PKIA: variants seen among roughly 807,000 people sequenced by gnomAD.
PKIA encodes the protein cAMP-dependent protein kinase inhibitor alpha.
A neutral mutation model predicts 7.6 loss-of-function variants in PKIA; 4 were observed. That is an observed-to-expected ratio of 0.52 (90% confidence interval 0.26 to 1.20). The LOEUF is 1.20. PKIA is among the 50% of genes most tolerant of loss of function. PKIA has a pLI of 0.13. For missense variants in PKIA, 73 were observed against 86.2 expected, an observed-to-expected ratio of 0.85 and a Z score of 0.61; for synonymous variants, 21 against 30.7, an observed-to-expected ratio of 0.68 and a Z score of 1.04.
intron 1 of PKIA, among the ~76,000 whole-genome samples, chr8:78,563,946 G>A (rs1432504708): frequency 6.6e-6 from 1 of 152,086 alleles, no homozygotes; most frequent in East Asian, 1.9e-4. Context: ...TTGATCAGAT[G>A]AGAGAAAATG....
intron 2 of PKIA, among the ~76,000 whole-genome samples, chr8:78,588,983 G>C (rs989357266): frequency 2.0e-5 from 3 of 152,084 alleles, no homozygotes; most frequent in Non-Finnish European, 4.4e-5. Flanking sequence ...CAGGGAAGAT[G>C]TAAGCAATTT....
At chr8:78,581,991 C>A (rs546458470) in intron 2 of PKIA, among the ~76,000 whole-genome samples, 11 of 151,958 alleles carry the variant, frequency 7.2e-5, no homozygotes, top group African/African-American at 2.4e-4. Context: ...GTCATTTCAA[C>A]GTTTTTGTAA....
intron 2 of PKIA, among the ~76,000 whole-genome samples, chr8:78,594,073 A>G (rs1396296844): frequency 2.6e-5 from 4 of 152,314 alleles, no homozygotes; most frequent in African/African-American, 9.6e-5. Flanking sequence ...AAAATGCAGT[A>G]ATCTATTGAG....
chr8:78,571,590 G>A (rs907694058), intron 1 of PKIA, among the ~76,000 whole-genome samples: 2 of 152,094 alleles, frequency 1.3e-5, no homozygotes, highest in African/African-American at 4.8e-5. Context: ...GGGTTCCACA[G>A]GACTCCTCTA....
intron 1 of PKIA, among the ~76,000 whole-genome samples, chr8:78,572,535 C>T (rs1807573656): frequency 1.6e-5 from 2 of 127,150 alleles, no homozygotes; most frequent in East Asian, 2.3e-4. Context: ...ACAAAAAAAG[C>T]TGCACGCACA....
At chr8:78,561,175 C>A (rs1406377863) in intron 1 of PKIA, among the ~76,000 whole-genome samples, 1 of 152,080 alleles carries the variant, frequency 6.6e-6, no homozygotes, top group Non-Finnish European at 1.5e-5. Flanking sequence ...AAGACACTCC[C>A]AAATTATACA....
intron 1 of PKIA, among the ~76,000 whole-genome samples, chr8:78,571,889 T>C (rs1807558545): frequency 6.6e-6 from 1 of 152,052 alleles, no homozygotes; most frequent in South Asian, 2.1e-4. Flanking sequence ...TAGATTCTAA[T>C]GTTTTCAATC....
intron 1 of PKIA, among the ~76,000 whole-genome samples, chr8:78,528,416 A>C (rs557539268): frequency 1.3e-5 from 2 of 152,200 alleles, no homozygotes; most frequent in African/African-American, 4.8e-5. Flanking sequence ...ATAACTGATT[A>C]GCTCTACAGT....
chr8:78,557,445 A>G (rs1461694410), intron 1 of PKIA, among the ~76,000 whole-genome samples: 1 of 152,194 alleles, frequency 6.6e-6, no homozygotes, highest in Non-Finnish European at 1.5e-5. Flanking sequence ...AATGCATTAA[A>G]CTTTCCTTGT....
At chr8:78,592,932 C>T (rs533427547) in intron 2 of PKIA, among the ~76,000 whole-genome samples, 19 of 152,198 alleles carry the variant, frequency 1.2e-4, no homozygotes, top group Non-Finnish European at 2.6e-4. Flanking sequence ...GGGACCTTTA[C>T]TGCAAAGTAC....
chr8:78,520,022 T>C (rs1809386885), intron 1 of PKIA, among the ~76,000 whole-genome samples: 1 of 152,162 alleles, frequency 6.6e-6, no homozygotes, highest in Non-Finnish European at 1.5e-5. Context: ...TTGTCTGCTC[T>C]TCTAAAAAAA....
chr8:78,568,843 G>A (rs1283036354), intron 1 of PKIA, among the ~76,000 whole-genome samples: 1 of 152,246 alleles, frequency 6.6e-6, no homozygotes, highest in African/African-American at 2.4e-5. Flanking sequence ...TTACAGACAT[G>A]ATCCATGACT....
intron 1 of PKIA, among the ~76,000 whole-genome samples, chr8:78,572,160 A>T (rs1021763640): frequency 6.6e-6 from 1 of 152,024 alleles, no homozygotes; most frequent in African/African-American, 2.4e-5. Context: ...CCTAATATCC[A>T]TCTTTCTAAA....
intron 1 of PKIA, among the ~76,000 whole-genome samples, chr8:78,544,477 A>G (rs778605834): frequency 1.3e-4 from 20 of 152,104 alleles, no homozygotes; most frequent in Non-Finnish European, 2.8e-4. Flanking sequence ...CCAGCACACT[A>G]TATTTTGAAA....
chr8:78,517,416 TGTG>T (rs1406978845), intron 1 of PKIA, among the ~76,000 whole-genome samples: 1 of 152,162 alleles, frequency 6.6e-6, no homozygotes, highest in Non-Finnish European at 1.5e-5. Context: ...GAAGTAAAAA[TGTG>T]AATGCCAGTC....
At chr8:78,559,289 T>C (rs1807227713) in intron 1 of PKIA, among the ~76,000 whole-genome samples, 1 of 152,076 alleles carries the variant, frequency 6.6e-6, no homozygotes, top group African/African-American at 2.4e-5. Flanking sequence ...GCTAAGGTGA[T>C]CAAAACATCA....
At chr8:78,581,051 C>T (rs1465623785) in intron 2 of PKIA, among the ~76,000 whole-genome samples, 1 of 151,992 alleles carries the variant, frequency 6.6e-6, no homozygotes, top group Non-Finnish European at 1.5e-5. Flanking sequence ...GTGAGCAAAC[C>T]TAGTGTCCAG....
chr8:78,594,958 C>A lies in PKIA; in HGVS notation c.-27-3400C>A, dbSNP rs899277817. Among the ~76,000 whole-genome samples, 3 of 152,122 alleles carry A rather than the reference C, an allele frequency of 2.0e-5. No individual in the cohort carries two copies. In the East Asian group the frequency reaches 5.8e-4, roughly 29 times the overall value. On this transcript the variant is annotated intron_variant, in intron 2 of 3. Transcript: ENST00000396418. ...AGACTGGAAAGGGTTTGGAATCCTT[C>A]CCAAAGAGAACAGCATAAGGAAGAG...
At chr8:78,545,773 T>G (rs1806806006) in intron 1 of PKIA, among the ~76,000 whole-genome samples, 1 of 152,168 alleles carries the variant, frequency 6.6e-6, no homozygotes, top group Admixed American at 6.5e-5. Context: ...TCTATGATAC[T>G]ATATATAACC....
Sources: gnomAD v4.1 joint callset for allele counts (sites outside exome capture counted in the v4.1 genomes callset) on GRCh38, gnomAD v4.1.1 for gene constraint, MANE v1.5 for transcripts, NCBI Gene and HGNC (gene_info 2026-07-23, HGNC 2026-07-21) for gene names.